NEK6: variants seen among roughly 807,000 people sequenced by gnomAD.
The protein encoded by NEK6 is NIMA related kinase 6.
A neutral mutation model predicts 43.5 loss-of-function variants in NEK6; 27 were observed. The ratio of observed to expected loss-of-function variants is 0.62; its 90% CI spans 0.46 to 0.86. The LOEUF (loss-of-function observed/expected upper bound fraction) is 0.86, where lower values mean the gene tolerates loss of function less well. Ranked by LOEUF, NEK6 falls within the 40% of genes least tolerant of loss-of-function variation. The pLI is 0.00. For synonymous variants in NEK6, 167 were observed against 164.1 expected, an observed-to-expected ratio of 1.02 and a Z score of -0.14; for missense variants, 318 against 414.4, an observed-to-expected ratio of 0.77 and a Z score of 2.02.
chr9:124,343,195 C>CG lies in NEK6; in HGVS notation c.717+3532dup. 7.0e-6 allele frequency among the ~76,000 whole-genome samples: 1 copy of CG among 143,610 alleles called. No homozygotes were observed. The highest frequency in any genetic ancestry group is 7.1e-5 in the Admixed American group (1 of 14,036). The allele number at this position is 143,610 out of a possible 152,430, so 94.2% of individuals were successfully genotyped here. On this transcript the variant is annotated intron_variant, in intron 8 of 9. Coordinates refer to ENST00000320246, the MANE Select transcript of NEK6 (RefSeq NM_014397.6). This position sits in a 1 kb window ranked among gnomAD's most constrained non-coding sequence, Gnocchi z 5.1. ...ATTTGTTGGAGTGAGTGGGGCTGTGCGGCTCGCAGCTGGGGGGGCTGGACC... is the reference window on the plus strand; with the variant it reads ...ATTTGTTGGAGTGAGTGGGGCTGTGCGGGCTCGCAGCTGGGGGGGCTGGACC...
intron 3 of NEK6, 33 bp downstream of exon 3, chr9:124,312,682 T>TC: frequency 6.3e-7 from 1 of 1,590,286 alleles, no homozygotes; most frequent in Non-Finnish European, 8.6e-7. Flanking sequence ...CAAACCTGCA[T>TC]CTCGGGAGGT....
chr9:124,315,819 G>C (rs1009978966), intron 4 of NEK6, among the ~76,000 whole-genome samples: 3 of 152,254 alleles, frequency 2.0e-5, no homozygotes, highest in African/African-American at 7.2e-5. Context: ...AGGGCACCAA[G>C]CCGGGGTTTC....
chr9:124,283,771 A>C (rs1051802927), intron 1 of NEK6, among the ~76,000 whole-genome samples: 1 of 152,180 alleles, frequency 6.6e-6, no homozygotes, highest in African/African-American at 2.4e-5. Flanking sequence ...CCCTGCCCCT[A>C]TTCCTCCACT....
At chr9:124,337,051 A>G (rs543521333) in intron 7 of NEK6, among the ~76,000 whole-genome samples, 3 of 151,904 alleles carry the variant, frequency 2.0e-5, no homozygotes, top group South Asian at 2.1e-4. Flanking sequence ...CATCCACTCA[A>G]TGGGCTGATA....
chr9:124,337,721 C>T (rs1829364802), intron 7 of NEK6, among the ~76,000 whole-genome samples: 1 of 152,202 alleles, frequency 6.6e-6, no homozygotes. Flanking sequence ...TTGATTGTGT[C>T]TTTTGATGGA....
rs1292766588 is a variant in NEK6 at position 124,352,365 on chromosome 9, T to C, written c.*1418T>C. ...CCCGACAGTCTCTCCATATGCAGCC[T>C]TTCCTCTGTACTTTTCTCCATGGTT... On this transcript the variant is annotated 3_prime_UTR_variant, in exon 10 of 10. Transcript: ENST00000320246. The C allele has an allele frequency of 6.6e-6, 1 of 152,240 alleles. No individual in the cohort carries two copies. Among genetic ancestry groups the C allele is most frequent in the East Asian group, 1.9e-4 (1 of 5,194 alleles). The allele number at this position is 152,240 out of a possible 1,614,324, so 9.4% of individuals were successfully genotyped here.
Position 124,294,578 on chromosome 9 carries a change from C to T in NEK6, c.-29-7358C>T, listed in dbSNP as rs191131582. The stretch of plus-strand genomic sequence containing the variant: ...TGGGACTTTGCCCATTGAGAGGCAC[C>T]GATGGGTCTTTAGTCCAAGGCTGGT... On this transcript the variant is annotated intron_variant, in intron 1 of 9. Coordinates refer to ENST00000320246, the MANE Select transcript of NEK6 (RefSeq NM_014397.6). 1.5e-4 allele frequency among the ~76,000 whole-genome samples: 22 copies of T among 151,684 alleles called. No individual in the cohort carries two copies. In the East Asian group the frequency reaches 3.5e-3, roughly 24 times the overall value.
chr9:124,309,938 CAG>C (rs1833446635), intron 2 of NEK6, among the ~76,000 whole-genome samples: 1 of 152,220 alleles, frequency 6.6e-6, no homozygotes, highest in Non-Finnish European at 1.5e-5. Context: ...GGGGACTAGA[CAG>C]GGGCCCCCTT....
At chr9:124,322,910 C>T (rs1425613156) in intron 5 of NEK6, among the ~76,000 whole-genome samples, 1 of 152,256 alleles carries the variant, frequency 6.6e-6, no homozygotes, top group Admixed American at 6.5e-5. Flanking sequence ...CTTACATTTC[C>T]GTTGACATAT....
At chr9:124,329,106 T>TC (rs1828831567) in intron 7 of NEK6, among the ~76,000 whole-genome samples, 1 of 151,944 alleles carries the variant, frequency 6.6e-6, no homozygotes. Flanking sequence ...ACCGTTGGAG[T>TC]CCCCCTTTGG....
intron 1 of NEK6, among the ~76,000 whole-genome samples, chr9:124,280,170 A>G (rs1564619101): frequency 2.6e-5 from 4 of 152,244 alleles, no homozygotes; most frequent in Admixed American, 6.5e-5. Context: ...CACCGCCCAA[A>G]GAAACTTCCA....
In NEK6 at chr9:124,325,810, G is replaced by A. The variant is rs558157171; in HGVS notation, c.406-520G>A. Among the ~76,000 whole-genome samples the A allele has an allele frequency of 4.1e-4, 63 of 152,332 alleles. 1 individual carries two copies. Among genetic ancestry groups the A allele is most frequent in the Middle Eastern group, 6.8e-3 (2 of 294 alleles). ...AGCCCATTTCCTCAAGGTTCTCGCC[G>A]CGTTTGTTAAGAATTCCAGTGCACT... On this transcript the variant is annotated intron_variant, in intron 5 of 9. Transcript: ENST00000320246.
chr9:124,305,564 AAAAAAG>A (rs1833213365), intron 2 of NEK6, among the ~76,000 whole-genome samples: 1 of 151,734 alleles, frequency 6.6e-6, no homozygotes, highest in African/African-American at 2.4e-5. Context: ...AAAAAAAAAA[AAAAAAG>A]AAAAAGAAAA....
intron 1 of NEK6, among the ~76,000 whole-genome samples, chr9:124,261,929 A>G (rs1831046995): frequency 6.6e-6 from 1 of 151,990 alleles, no homozygotes; most frequent in African/African-American, 2.4e-5. Context: ...GGGAGGTAAA[A>G]ATAGTCCTTT....
intron 5 of NEK6, among the ~76,000 whole-genome samples, chr9:124,322,433 G>T (rs1280220213): frequency 6.6e-6 from 1 of 152,188 alleles, no homozygotes; most frequent in Non-Finnish European, 1.5e-5. Flanking sequence ...CCTCCTGCCA[G>T]CCTCCACCCA....
At chr9:124,313,792 CA>C (rs1363296088) in intron 3 of NEK6, 130 bp from the exon 4 acceptor site, 7 of 821,972 alleles carry the variant, frequency 8.5e-6, no homozygotes, top group Admixed American at 2.1e-5. Flanking sequence ...GCTGGGAGTG[CA>C]GGGGGGGGTC....
chr9:124,282,587 A>T (rs1483485550), intron 1 of NEK6, among the ~76,000 whole-genome samples: 2 of 150,896 alleles, frequency 1.3e-5, no homozygotes, highest in African/African-American at 2.4e-5. Flanking sequence ...TGGCGGGGGA[A>T]CGCTGTCACC....
rs137926408 is a variant in NEK6, at chr9:124,324,040, C to G, written c.406-2290C>G. 9.5e-4 allele frequency among the ~76,000 whole-genome samples: 145 copies of G among 152,276 alleles called. 1 individual carries two copies. Among genetic ancestry groups the G allele is most frequent in the East Asian group, 9.1e-3 (47 of 5,164 alleles). ...TCCCACAGTCCCCACCTCTCTCCCC[C>G]CACTGTCCCTGCCTGCTCCCGTTCC... On this transcript the variant is annotated intron_variant, in intron 5 of 9. Coordinates refer to ENST00000320246, the MANE Select transcript of NEK6 (RefSeq NM_014397.6). The surrounding 1 kb of genome is among the most constrained non-coding windows in gnomAD (Gnocchi z 5.3).
intron 7 of NEK6, among the ~76,000 whole-genome samples, chr9:124,338,288 T>A (rs1353179909): frequency 6.6e-6 from 1 of 152,208 alleles, no homozygotes; most frequent in African/African-American, 2.4e-5. Flanking sequence ...TCATTGTGTT[T>A]TAATTTGCCC....
Sources: gnomAD v4.1 joint callset for allele counts (sites outside exome capture counted in the v4.1 genomes callset) on GRCh38, gnomAD v4.1.1 for gene constraint, Gnocchi (gnomAD v3.1) non-coding constraint, MANE v1.5 for transcripts, NCBI Gene and HGNC (gene_info 2026-07-23, HGNC 2026-07-21) for gene names.